PALM2AKAP2: variants seen among roughly 807,000 people sequenced by gnomAD.
The protein encoded by PALM2AKAP2 is PALM2 and AKAP2 fusion.
Under a neutral mutation model 71.5 loss-of-function variants are expected in PALM2AKAP2, and 37 were observed. That is an observed-to-expected ratio of 0.52 (90% CI 0.40 to 0.68). The LOEUF (loss-of-function observed/expected upper bound fraction) is 0.68, where lower values mean the gene tolerates loss of function less well. Ranked by LOEUF, PALM2AKAP2 falls within the 30% of genes least tolerant of loss-of-function variation. The probability of loss-of-function intolerance (pLI) is 0.00; values close to 1 mark genes in which losing one functional copy is unlikely to be tolerated. For synonymous variants in PALM2AKAP2, 468 were observed against 478.8 expected (o/e 0.98, Z 0.29); for missense variants, 1,224 against 1,191.8 (o/e 1.03, Z -0.40).
At chr9:109,973,583 C>T (rs1393115250) in intron 6 of PALM2AKAP2, among the ~76,000 whole-genome samples, 1 of 152,156 alleles carries the variant, frequency 6.6e-6, no homozygotes, top group Admixed American at 6.5e-5. Context: ...TATCCTCCTC[C>T]CATAGAGCAG....
chr9:110,127,080 A>G (rs1298804741), intron 1 of PALM2AKAP2, among the ~76,000 whole-genome samples: 1 of 152,224 alleles, frequency 6.6e-6, no homozygotes, highest in Non-Finnish European at 1.5e-5. Flanking sequence ...GAATAGCAGA[A>G]CAGTGATTAC....
intron 1 of PALM2AKAP2, among the ~76,000 whole-genome samples, chr9:109,741,444 ATACG>A (rs1445461569): frequency 6.6e-6 from 1 of 152,158 alleles, no homozygotes; most frequent in Non-Finnish European, 1.5e-5. Flanking sequence ...TATTGTGCAT[ATACG>A]TTTGCATTTC....
chr9:109,762,374 A>G (rs1035610265), intron 1 of PALM2AKAP2, among the ~76,000 whole-genome samples: 2 of 152,174 alleles, frequency 1.3e-5, no homozygotes, highest in African/African-American at 4.8e-5. Flanking sequence ...TCCACTTTTA[A>G]TTTAAATATT....
At chr9:110,149,265 C>T (rs1836253534) in intron 2 of PALM2AKAP2, among the ~76,000 whole-genome samples, 1 of 152,238 alleles carries the variant, frequency 6.6e-6, no homozygotes, top group Non-Finnish European at 1.5e-5. Context: ...TGCAATGCTA[C>T]AGTCTTGTGA....
intron 1 of PALM2AKAP2, among the ~76,000 whole-genome samples, chr9:109,821,634 T>C (rs1355654015): frequency 6.6e-6 from 1 of 152,202 alleles, no homozygotes; most frequent in Non-Finnish European, 1.5e-5. Context: ...AAAGATACTC[T>C]GGGATGGATG....
At chr9:109,759,306 A>G (rs939622838) in intron 1 of PALM2AKAP2, among the ~76,000 whole-genome samples, 3 of 152,026 alleles carry the variant, frequency 2.0e-5, no homozygotes, top group Non-Finnish European at 1.5e-5. Flanking sequence ...TCTTCATTGC[A>G]CATTTCTTCA....
chr9:110,111,086 CTTTTTTTTTTTTTT>C (rs34958946), intron 1 of PALM2AKAP2, among the ~76,000 whole-genome samples: 5 of 84,188 alleles, frequency 5.9e-5, no homozygotes, highest in African/African-American at 2.5e-4. Flanking sequence ...TTTCTTTCTT[CTTTTTTTTTTTTTT>C]TTTTTTTTTG....
At chr9:109,936,051 A>G (rs1052028442) in intron 6 of PALM2AKAP2, among the ~76,000 whole-genome samples, 2 of 152,138 alleles carry the variant, frequency 1.3e-5, no homozygotes, top group South Asian at 4.1e-4. Flanking sequence ...CAATTGATTC[A>G]CAGAAATTTT....
intron 1 of PALM2AKAP2, among the ~76,000 whole-genome samples, chr9:110,054,817 C>G (rs1317488097): frequency 6.6e-6 from 1 of 152,186 alleles, no homozygotes; most frequent in Non-Finnish European, 1.5e-5. Flanking sequence ...AGCAGTCCTC[C>G]CACCTCGGCC....
intron 1 of PALM2AKAP2, among the ~76,000 whole-genome samples, chr9:109,795,144 G>T (rs1226826424): frequency 2.0e-5 from 3 of 152,146 alleles, no homozygotes; most frequent in Admixed American, 6.5e-5. Flanking sequence ...GATGTTAGTG[G>T]CATCCTTGGT....
intron 1 of PALM2AKAP2, among the ~76,000 whole-genome samples, chr9:110,125,096 C>T (rs1010639977): frequency 3.9e-5 from 6 of 152,196 alleles, no homozygotes; most frequent in Admixed American, 2.0e-4. Context: ...CATGTACACA[C>T]GCACAAGCAC....
At chr9:109,815,913 G>A (rs1354819260) in intron 1 of PALM2AKAP2, among the ~76,000 whole-genome samples, 1 of 152,198 alleles carries the variant, frequency 6.6e-6, no homozygotes. Context: ...AAATGCAGGT[G>A]AGTGGAGGAT....
chr9:109,721,357 A>G (rs1035127373), intron 1 of PALM2AKAP2, among the ~76,000 whole-genome samples: 4 of 152,226 alleles, frequency 2.6e-5, no homozygotes, highest in Admixed American at 2.0e-4. Context: ...GAGGTGGCAG[A>G]TTCTGAGGAC....
At chr9:109,822,739 G>A (rs531322662) in intron 1 of PALM2AKAP2, among the ~76,000 whole-genome samples, 2 of 152,288 alleles carry the variant, frequency 1.3e-5, no homozygotes, top group East Asian at 3.9e-4. Context: ...GTATTCCACG[G>A]TGTATATGTA....
At chr9:109,873,424 A>C (rs960809083) in intron 2 of PALM2AKAP2, among the ~76,000 whole-genome samples, 3 of 150,966 alleles carry the variant, frequency 2.0e-5, no homozygotes, top group African/African-American at 7.4e-5. Flanking sequence ...TGACACAGTG[A>C]GACTCCATCT....
In PALM2AKAP2 at chr9:109,750,571, C is replaced by A. The variant is rs7849261; in HGVS notation, c.6-29917C>A. Among the ~76,000 whole-genome samples, 299 of 147,294 alleles carry A rather than the reference C, an allele frequency of 2.0e-3. 1 individual carries two copies. Among genetic ancestry groups the A allele is most frequent in the East Asian group, 0.014 (70 of 5,012 alleles). On this transcript the variant is annotated intron_variant, in intron 1 of 6. Coordinates refer to the PALM2AKAP2 transcript ENST00000374531. The stretch of plus-strand genomic sequence containing the variant: ...TCATCCTCAGAGCTCTGCCCTAGGA[C>A]GTGTGTGTGTGTGTGTGTGTGTGTG...
chr9:109,936,446 C>T (rs377402488), intron 6 of PALM2AKAP2, among the ~76,000 whole-genome samples: 21 of 152,254 alleles, frequency 1.4e-4, no homozygotes, highest in South Asian at 1.2e-3. Flanking sequence ...TTTTACATTT[C>T]CAGCCCAAAG....
intron 2 of PALM2AKAP2, among the ~76,000 whole-genome samples, chr9:109,870,630 A>G (rs929032631): frequency 1.3e-5 from 2 of 152,214 alleles, no homozygotes; most frequent in Non-Finnish European, 2.9e-5. Context: ...TAGAGACTAT[A>G]AATGAGGGAG....
At chr9:109,756,396 A>G (rs140894648) in intron 1 of PALM2AKAP2, among the ~76,000 whole-genome samples, 199 of 152,300 alleles carry the variant, frequency 1.3e-3, no homozygotes, top group Non-Finnish European at 2.7e-3. Context: ...ATTGATTCAT[A>G]AGGGCTGAAC....
Sources: gnomAD v4.1 joint callset for allele counts (sites outside exome capture counted in the v4.1 genomes callset) on GRCh38, gnomAD v4.1.1 for gene constraint, MANE v1.5 for transcripts, NCBI Gene and HGNC (gene_info 2026-07-23, HGNC 2026-07-21) for gene names.